The following HEATR4 variants were observed in gnomAD, a reference collection of about 807,000 sequenced individuals.
The protein encoded by HEATR4 is HEAT repeat-containing protein 4.
HEATR4 carries 95 observed loss-of-function variants against 108.8 expected under a neutral mutation model. The ratio of observed to expected loss-of-function variants is 0.87; its 90% CI spans 0.74 to 1.04. The LOEUF is 1.04. Ranked by LOEUF, HEATR4 falls within the 50% of genes least tolerant of loss-of-function variation. The pLI, the probability that HEATR4 is intolerant of heterozygous loss-of-function variation, is 0.00. For synonymous variants in HEATR4, 443 were observed against 459.4 expected, an observed-to-expected ratio of 0.96 and a Z score of 0.46; for missense variants, 1,152 against 1,253.8, an observed-to-expected ratio of 0.92 and a Z score of 1.23.
At chr14:73,503,282 T>G (rs1886595419) in intron 10 of HEATR4, among the ~76,000 whole-genome samples, 1 of 152,208 alleles carries the variant, frequency 6.6e-6, no homozygotes, top group South Asian at 2.1e-4. Flanking sequence ...TCTCCCAAGC[T>G]CATCCTTTAA....
intron 11 of HEATR4, among the ~76,000 whole-genome samples, chr14:73,502,525 T>C (rs1198870155): frequency 6.6e-6 from 1 of 151,920 alleles, no homozygotes; most frequent in Non-Finnish European, 1.5e-5. Context: ...CAACAAATGC[T>C]GGGTGGCTGG....
chr14:73,614,968 G>A, the HEATR4 span, among the ~76,000 whole-genome samples: 3 of 150,566 alleles, frequency 2.0e-5, no homozygotes, highest in South Asian at 6.3e-4. Context: ...ATGGTGGTGG[G>A]TGCCTGTAAT....
the HEATR4 span, among the ~76,000 whole-genome samples, chr14:73,590,872 A>G: frequency 2.0e-5 from 3 of 151,806 alleles, no homozygotes; most frequent in Non-Finnish European, 4.4e-5. Context: ...CAGCCCAGAA[A>G]GGGGCTCCCA....
chr14:73,509,342 G>A lies in HEATR4; in HGVS notation c.1690C>T (p.Arg564Trp), dbSNP rs146144273. Reference protein sequence around the residue: ...YAIQSHNPLARNIMQTALLKG... With the variant: ...YAIQSHNPLAWNIMQTALLKG... ...AGAAGGGCAGTCTGCATGATGTTCC[G>A]GGCAAGGGGATTATGTGACTGTATG... The change falls in exon 8 of 18, where the codon CGG becomes TGG. Residue 564 changes from arginine (R) to tryptophan (W), a missense_variant. Coordinates refer to ENST00000553558, the MANE Select transcript of HEATR4 (RefSeq NM_001220484.1). 123 of 1,613,970 alleles carry A rather than the reference G, an allele frequency of 7.6e-5. No individual in the cohort carries two copies. The highest frequency in any genetic ancestry group is 9.2e-5 in the Non-Finnish European group (108 of 1,179,998).
the HEATR4 span, among the ~76,000 whole-genome samples, chr14:73,568,536 G>C: frequency 6.6e-6 from 1 of 151,712 alleles, no homozygotes; most frequent in Non-Finnish European, 1.5e-5. Context: ...CTGTACTCCA[G>C]TCTGGCAATG....
intron 17 of HEATR4, chr14:73,491,126 A>T: frequency 2.5e-6 from 4 of 1,607,732 alleles, no homozygotes; most frequent in Non-Finnish European, 3.4e-6. Flanking sequence ...CTTGAGGTCC[A>T]GGAAGATACG....
chr14:73,606,802 G>A, the HEATR4 span, among the ~76,000 whole-genome samples: 1 of 152,178 alleles, frequency 6.6e-6, no homozygotes, highest in African/African-American at 2.4e-5. Context: ...AGATCACACA[G>A]TGATCTTAGC....
the HEATR4 span, chr14:73,619,899 GT>G: frequency 1.1e-5 from 16 of 1,454,434 alleles, no homozygotes; most frequent in South Asian, 2.0e-4. Context: ...CTTGTGTTGG[GT>G]TTTCTTTCTT....
At chr14:73,588,592 T>C in the HEATR4 span, among the ~76,000 whole-genome samples, 3 of 152,154 alleles carry the variant, frequency 2.0e-5, no homozygotes, top group East Asian at 5.8e-4. Context: ...TTCTTAGAAA[T>C]CTGAATCTTC....
the HEATR4 span, chr14:73,575,480 T>A: frequency 1.3e-6 from 2 of 1,499,922 alleles, no homozygotes; most frequent in East Asian, 4.7e-5. Flanking sequence ...AACACTTGGG[T>A]GGCCACGAGG....
chr14:73,630,221 A>G, the HEATR4 span, among the ~76,000 whole-genome samples: 2 of 151,940 alleles, frequency 1.3e-5, no homozygotes, highest in Admixed American at 6.6e-5. Context: ...CAAATAACTG[A>G]TAATCTTCCT....
intron 17 of HEATR4, among the ~76,000 whole-genome samples, chr14:73,486,276 T>C (rs1315270670): frequency 6.6e-6 from 1 of 152,190 alleles, no homozygotes; most frequent in East Asian, 1.9e-4. Context: ...AAATGACCCC[T>C]GGGGGTGCAA....
the HEATR4 span, chr14:73,611,507 A>G: frequency 6.6e-6 from 1 of 152,168 alleles, no homozygotes; most frequent in African/African-American, 2.4e-5. Context: ...ACTCTCCTCA[A>G]TTACACAGGC....
chr14:73,629,696 G>C, the HEATR4 span, among the ~76,000 whole-genome samples: 5 of 151,434 alleles, frequency 3.3e-5, no homozygotes, highest in Non-Finnish European at 7.4e-5. Context: ...CCAGGCTGGA[G>C]TGCAGTGGTG....
intron 17 of HEATR4, among the ~76,000 whole-genome samples, chr14:73,490,550 T>C (rs1203649557): frequency 5.9e-5 from 9 of 152,308 alleles, no homozygotes; most frequent in African/African-American, 1.9e-4. Context: ...CTCGATCTCC[T>C]GACCTCGTGA....
At chr14:73,509,985 T>C (rs1023101266) in intron 7 of HEATR4, among the ~76,000 whole-genome samples, 4 of 150,454 alleles carry the variant, frequency 2.7e-5, no homozygotes, top group Non-Finnish European at 5.9e-5. Flanking sequence ...ACCATTCTCC[T>C]GCCTCAGCCT....
the HEATR4 span, among the ~76,000 whole-genome samples, chr14:73,583,672 G>A: frequency 2.0e-5 from 3 of 152,114 alleles, no homozygotes; most frequent in East Asian, 5.8e-4. Context: ...GCAGGTGCCA[G>A]GGAGAAGCAA....
At chr14:73,563,466 G>A (rs1293583495), upstream of HEATR4, among the ~76,000 whole-genome samples, 6 of 151,828 alleles carry the variant, frequency 4.0e-5, no homozygotes, top group Non-Finnish European at 5.9e-5. Context: ...GTGGTGGTGC[G>A]TGCCTGTAGT....
Position 73,532,966 on chromosome 14 carries a change from T to A in HEATR4, c.-151-2722A>T, listed in dbSNP as rs1238488445. 7.3e-5 allele frequency among the ~76,000 whole-genome samples: 8 copies of A among 109,210 alleles called. 3 individuals are homozygous for A. In the South Asian group the frequency reaches 8.7e-4, roughly 12 times the overall value. 71.6% of individuals were successfully genotyped at this position (109,210 alleles called of 152,430 possible). A position where few individuals can be genotyped will look rare whatever the true frequency, so the allele number is the denominator to read the frequency against. ...CAAGACTCCATCTCAAAAAAATAAA[T>A]AAATAAATAAAAAGAAAAGAAAAGT... On this transcript the variant is annotated intron_variant, in intron 1 of 17. Coordinates refer to ENST00000553558, the MANE Select transcript of HEATR4 (RefSeq NM_001220484.1).
Sources: allele counts gnomAD v4.1 joint callset (sites outside exome capture counted in the v4.1 genomes callset), GRCh38; gene constraint gnomAD v4.1.1; transcripts MANE v1.5; gene names NCBI Gene and HGNC (gene_info 2026-07-23, HGNC 2026-07-21).